ARHGAP44: variants seen among roughly 807,000 people sequenced by gnomAD.
The protein encoded by ARHGAP44 is Rho GTPase activating protein 44, also known as rho GTPase-activating protein 44.
In ARHGAP44, 43 loss-of-function variants were observed where a neutral mutation model predicts 106.8. That is an observed-to-expected ratio of 0.40 (90% CI 0.32 to 0.52). The LOEUF is 0.52. Ranked by LOEUF, ARHGAP44 falls within the 20% of genes least tolerant of loss-of-function variation. The probability of loss-of-function intolerance (pLI) is 0.48; values close to 1 mark genes in which losing one functional copy is unlikely to be tolerated. For missense variants in ARHGAP44, 866 were observed against 1,050.5 expected, an observed-to-expected ratio of 0.82 and a Z score of 2.43; for synonymous variants, 439 against 410.3, an observed-to-expected ratio of 1.07 and a Z score of -0.85.
rs1567718335 is a variant in ARHGAP44, at chr17:12,974,220, C to CGCCGCT, written c.1678_1683dup (p.Leu560_Pro561dup). ...GCCGAGCTGGCTGCGCCCCTGCCTT[C>CGCCGCT]GCCGCTGCCGGAGCAGCCCCTGGAC... On this transcript the variant is annotated inframe_insertion, in exon 18 of 21. Transcript: ENST00000379672. 2.6e-6 allele frequency: 4 copies of CGCCGCT among 1,546,480 alleles called. No homozygotes were observed. The highest frequency in any genetic ancestry group is 3.9e-5 in the Admixed American group (2 of 50,870).
chr17:12,930,653 G>A (rs2038372929), intron 7 of ARHGAP44, among the ~76,000 whole-genome samples: 1 of 152,156 alleles, frequency 6.6e-6, no homozygotes, highest in Non-Finnish European at 1.5e-5. Context: ...AAGGATGCTG[G>A]ATGTGAATAT....
chr17:12,830,023 G>A (rs373145135), intron 1 of ARHGAP44, among the ~76,000 whole-genome samples: 1 of 152,266 alleles, frequency 6.6e-6, no homozygotes, highest in East Asian at 1.9e-4. Context: ...AAATATGTTA[G>A]CCTTCAGTTA....
At chr17:12,909,323 A>C (rs2037652987) in intron 4 of ARHGAP44, among the ~76,000 whole-genome samples, 1 of 152,246 alleles carries the variant, frequency 6.6e-6, no homozygotes, top group South Asian at 2.1e-4. Flanking sequence ...AAACAAACTG[A>C]AAATAGAATC....
chr17:12,839,699 T>C lies in ARHGAP44; in HGVS notation c.53+49808T>C, dbSNP rs1183442197. Among the ~76,000 whole-genome samples the C allele has an allele frequency of 2.0e-5, 3 of 152,350 alleles. No individual in the cohort carries two copies. The East Asian group carries it at 5.8e-4, about 29-fold the overall frequency. ...GCTTCGAGTGCTTTTGTTGTTGTTG[T>C]TAAAATGTGAAGAATTCAGTACTTT... On this transcript the variant is annotated intron_variant, in intron 1 of 20. Coordinates refer to ENST00000379672, the MANE Select transcript of ARHGAP44 (RefSeq NM_014859.6).
chr17:12,983,326 A>G (rs950957844), intron 19 of ARHGAP44, among the ~76,000 whole-genome samples: 2 of 151,308 alleles, frequency 1.3e-5, no homozygotes, highest in African/African-American at 4.9e-5. Context: ...ACTTAAGCCT[A>G]ACAGGTTAGT....
intron 1 of ARHGAP44, among the ~76,000 whole-genome samples, chr17:12,792,698 G>T (rs1259566392): frequency 1.3e-5 from 2 of 152,072 alleles, no homozygotes; most frequent in Non-Finnish European, 2.9e-5. Flanking sequence ...GGACTAAGAG[G>T]ACTTGAAAGT....
At chr17:12,948,907 C>A (rs2270051) in intron 10 of ARHGAP44, among the ~76,000 whole-genome samples, 107,864 of 152,018 alleles carry the variant, frequency 0.71, 38,466 homozygotes, top group African/African-American at 0.77. Context: ...GATGAGCCAC[C>A]CCTGCCTGAG....
intron 1 of ARHGAP44, among the ~76,000 whole-genome samples, chr17:12,877,768 A>G (rs913539874): frequency 2.0e-5 from 3 of 152,042 alleles, no homozygotes; most frequent in African/African-American, 7.2e-5. Flanking sequence ...AAAACACTAA[A>G]GATATATAAA....
At chr17:12,834,247 C>T (rs1335464791) in intron 1 of ARHGAP44, among the ~76,000 whole-genome samples, 5 of 152,160 alleles carry the variant, frequency 3.3e-5, no homozygotes. Context: ...TGGCTCTAAG[C>T]CGCCAAGTCC....
intron 1 of ARHGAP44, among the ~76,000 whole-genome samples, chr17:12,815,040 A>G (rs541690674): frequency 6.6e-6 from 1 of 152,016 alleles, no homozygotes; most frequent in East Asian, 1.9e-4. Context: ...ATTTTCCTTG[A>G]ACCTCCCCCA....
chr17:12,830,590 C>G (rs192340958), intron 1 of ARHGAP44, among the ~76,000 whole-genome samples: 1 of 152,252 alleles, frequency 6.6e-6, no homozygotes, highest in African/African-American at 2.4e-5. Flanking sequence ...TTTCTAGGTC[C>G]AGTCTAGTCA....
rs181486651 is a variant in ARHGAP44 at position 12,833,146 on chromosome 17, G to A, written c.53+43255G>A. 3.0e-3 allele frequency among the ~76,000 whole-genome samples: 459 copies of A among 152,286 alleles called. 3 individuals carry two copies. The highest frequency in any genetic ancestry group is 3.9e-3 in the Non-Finnish European group (263 of 68,020). On this transcript the variant is annotated intron_variant, in intron 1 of 20. Transcript: ENST00000379672. ...CTTCGTTCTGTTTCTCTGTTTTGTC[G>A]GAGAGGGCAGTGCCACTGGATAGGA...
chr17:12,820,823 T>G (rs182515724), intron 1 of ARHGAP44, among the ~76,000 whole-genome samples: 25 of 152,292 alleles, frequency 1.6e-4, no homozygotes, highest in Non-Finnish European at 3.1e-4. Flanking sequence ...AGTGTGATAG[T>G]TATAGAAGAC....
intron 16 of ARHGAP44, 107 bp downstream of exon 16, chr17:12,959,004 C>T (rs3815311): frequency 0.095 from 126,304 of 1,323,072 alleles, 6,708 homozygotes; most frequent in Admixed American, 0.14. Flanking sequence ...CACTGACTCT[C>T]AGCAGTTTAG....
chr17:12,886,927 G>A (rs1432614348), intron 1 of ARHGAP44, among the ~76,000 whole-genome samples: 1 of 145,504 alleles, frequency 6.9e-6, no homozygotes, highest in African/African-American at 2.5e-5. Flanking sequence ...TATTTATGAA[G>A]TTGAGGAAGT....
chr17:12,961,390 T>C (rs1230995955), intron 16 of ARHGAP44, among the ~76,000 whole-genome samples: 2 of 152,266 alleles, frequency 1.3e-5, no homozygotes, highest in African/African-American at 4.8e-5. Flanking sequence ...AGGAAATTTA[T>C]TACATAATGT....
intron 1 of ARHGAP44, among the ~76,000 whole-genome samples, chr17:12,812,234 C>T (rs1204561470): frequency 6.6e-6 from 1 of 152,042 alleles, no homozygotes; most frequent in Non-Finnish European, 1.5e-5. Context: ...TACTTATGCC[C>T]TAAGATAGTA....
chr17:12,908,878 G>A lies in ARHGAP44; in HGVS notation c.199-19G>A. ...AATATGGAAAGTAGCTTTCATTACA[G>A]CATTTGCTTTCTTTTCAGAAAAAGT... On this transcript the variant is annotated intron_variant, in intron 3 of 20. Coordinates refer to ENST00000379672, the MANE Select transcript of ARHGAP44 (RefSeq NM_014859.6). 6.3e-7 allele frequency: 1 copy of A among 1,595,672 alleles called. No individual in the cohort carries two copies. The highest frequency in any genetic ancestry group is 8.5e-7 in the Non-Finnish European group (1 of 1,171,724).
intron 1 of ARHGAP44, among the ~76,000 whole-genome samples, chr17:12,880,790 A>G (rs1481560282): frequency 6.6e-6 from 1 of 152,110 alleles, no homozygotes; most frequent in East Asian, 1.9e-4. Flanking sequence ...TCATGTGGGT[A>G]CTTAGTTTCA....
Sources: gnomAD v4.1 joint callset for allele counts (sites outside exome capture counted in the v4.1 genomes callset) on GRCh38, gnomAD v4.1.1 for gene constraint, MANE v1.5 for transcripts, NCBI Gene and HGNC (gene_info 2026-07-23, HGNC 2026-07-21) for gene names.